Variants in PLEKHG2 observed in about 807,000 individuals in gnomAD.
The protein encoded by PLEKHG2 is pleckstrin homology domain-containing family G member 2.
In PLEKHG2, 71 loss-of-function variants were observed where a neutral mutation model predicts 104.4. The ratio of observed to expected loss-of-function variants is 0.68; its 90% CI spans 0.56 to 0.83. The LOEUF (loss-of-function observed/expected upper bound fraction) is 0.83. Ranked by LOEUF, PLEKHG2 falls within the 40% of genes least tolerant of loss-of-function variation. The pLI is 0.00. For missense variants in PLEKHG2, 1,730 were observed against 1,809.4 expected, an observed-to-expected ratio of 0.96 and a Z score of 0.80; for synonymous variants, 728 against 737.0, an observed-to-expected ratio of 0.99 and a Z score of 0.20.
At chr19:39,420,579 G>A (rs1339176570) in intron 11 of PLEKHG2, 47 bp from the exon 12 acceptor site, 37 of 1,613,070 alleles carry the variant, frequency 2.3e-5, no homozygotes, top group Middle Eastern at 3.3e-4. Flanking sequence ...CCTCTCTGTG[G>A]TACTCCAAGA....
chr19:39,415,065 G>A lies in PLEKHG2; in HGVS notation c.183G>A (p.Glu61=), dbSNP rs1282499140. The change falls in exon 3 of 19, where the codon GAG becomes GAA. Residue 61 remains glutamate, a synonymous_variant. Transcript: ENST00000425673. The surrounding 1 kb of genome is among the most constrained non-coding windows in gnomAD (Gnocchi z 4.6). The part of the protein sequence containing the change: ...SSTSLSTVGS[E]GDPAPGPTPA... ...CATCCCTGAGCACAGTGGGCTCTGA[G>A]GGGGATCCAGCCCCTGGGCCCACTC... 6.3e-7 allele frequency: 1 copy of A among 1,592,518 alleles called. No individual in the cohort carries two copies. Among genetic ancestry groups the A allele is most frequent in the Non-Finnish European group, 8.5e-7 (1 of 1,170,014 alleles).
intron 18 of PLEKHG2, 35 bp from the exon 19 acceptor site, chr19:39,423,698 T>C: frequency 2.5e-6 from 4 of 1,578,820 alleles, no homozygotes; most frequent in South Asian, 1.2e-5. Context: ...CCCGCTGGAG[T>C]AGTGGTCCTG....
chr19:39,425,424 G>C lies in PLEKHG2; in HGVS notation c.*130G>C. ...TGCGGCCTTCCAACTCCTGGTATCTGCATCGGCGAATGGCCCTTCTTGCCT... is the reference window on the plus strand; with the variant it reads ...TGCGGCCTTCCAACTCCTGGTATCTCCATCGGCGAATGGCCCTTCTTGCCT... On this transcript the variant is annotated 3_prime_UTR_variant, in exon 19 of 19. Coordinates refer to ENST00000425673, the MANE Select transcript of PLEKHG2 (RefSeq NM_022835.3). 7.2e-7 allele frequency: 1 copy of C among 1,396,390 alleles called. No individual in the cohort carries two copies. Among genetic ancestry groups the C allele is most frequent in the Non-Finnish European group, 9.4e-7 (1 of 1,065,578 alleles). The allele number at this position is 1,396,390 out of a possible 1,614,324, so 86.5% of individuals were successfully genotyped here. A position where few individuals can be genotyped will look rare whatever the true frequency, so the allele number is the denominator to read the frequency against.
At position 39,415,075 on chromosome 19, in the gene PLEKHG2, G is replaced by A. The variant is rs772626193; in HGVS notation, c.193G>A (p.Ala65Thr). ...CACAGTGGGCTCTGAGGGGGATCCA[G>A]CCCCTGGGCCCACTCCAGCCTGCTC... ...LSTVGSEGDP[A>T]PGPTPACSAS... The change falls in exon 3 of 19, where the codon GCC becomes ACC. Residue 65 changes from alanine (A) to threonine (T), a missense_variant. Physicochemically the swap from Ala to Thr is moderately conservative, Grantham distance 58 (BLOSUM62 0). Coordinates refer to ENST00000425673, the MANE Select transcript of PLEKHG2 (RefSeq NM_022835.3). This position sits in a 1 kb window ranked among gnomAD's most constrained non-coding sequence, Gnocchi z 4.6. 6.3e-7 allele frequency: 1 copy of A among 1,590,492 alleles called. No individual in the cohort carries two copies. Among genetic ancestry groups the A allele is most frequent in the East Asian group, 2.3e-5 (1 of 43,170 alleles).
intron 7 of PLEKHG2, 84 bp downstream of exon 7, chr19:39,417,084 C>T (rs1169249464): frequency 1.7e-5 from 24 of 1,447,140 alleles, no homozygotes; most frequent in Non-Finnish European, 2.2e-5. Flanking sequence ...AGGATGGACC[C>T]CCCACGAGTT....
rs1281837719 is a variant in PLEKHG2 at position 39,422,160 on chromosome 19, C to A, written c.1549C>A (p.Pro517Thr). 2.5e-6 allele frequency: 4 copies of A among 1,612,364 alleles called. No homozygotes were observed. The highest frequency in any genetic ancestry group is 3.4e-6 in the Non-Finnish European group (4 of 1,179,384). The change falls in exon 17 of 19, where the codon CCA (proline) becomes ACA (threonine). Residue 517 changes from proline to threonine, a missense_variant. Coordinates refer to ENST00000425673, the MANE Select transcript of PLEKHG2 (RefSeq NM_022835.3). The stretch of plus-strand genomic sequence containing the variant: ...ACTCTACCCTCCAGAATCTCAGCCA[C>A]CAGTTTCAGGCTCTGCACCCCCTGA... The part of the protein sequence containing the change: ...GELYPPESQP[P>T]VSGSAPPEDL...
At position 39,425,552 on chromosome 19, in the gene PLEKHG2, A is replaced by G; in HGVS notation, c.*258A>G. On this transcript the variant is annotated 3_prime_UTR_variant, in exon 19 of 19. Coordinates refer to ENST00000425673, the MANE Select transcript of PLEKHG2 (RefSeq NM_022835.3). ...TTTCCCATTCTGGAGGCTGTGGGAG[A>G]TGACAAGACAATGAATGGGAAGGTC... 1 of 533,448 alleles carries G rather than the reference A, an allele frequency of 1.9e-6. No homozygotes were observed. Among genetic ancestry groups the G allele is most frequent in the South Asian group, 4.5e-5 (1 of 22,188 alleles). The allele number at this position is 533,448 out of a possible 1,614,324, so 33.0% of individuals were successfully genotyped here.
rs1414772393 is a variant in PLEKHG2, at chr19:39,422,206, C to G, written c.1595C>G (p.Pro532Arg). The G allele has an allele frequency of 1.9e-6, 3 of 1,613,886 alleles. No individual in the cohort carries two copies. Among genetic ancestry groups the G allele is most frequent in the Non-Finnish European group, 2.5e-6 (3 of 1,179,926 alleles). ...APPEDLEDAG[P>R]PTLDPSGTSI... ...CCTGAGGACCTGGAGGATGCTGGAC[C>G]CCCAACACTGGACCCCTCTGGGACC... The change falls in exon 17 of 19, where the codon CCC (proline) becomes CGC (arginine). Residue 532 changes from proline (P) to arginine (R), a missense_variant. Transcript: ENST00000425673.
Position 39,415,492 on chromosome 19 carries a change from T to G in PLEKHG2, c.479+53T>G, listed in dbSNP as rs1034044798. The G allele has an allele frequency of 6.9e-6, 11 of 1,590,692 alleles. No homozygotes were observed. In the East Asian group the frequency reaches 2.0e-4, roughly 29 times the overall value. ...GCATTGATTGGTTGGAGGGTCTATT[T>G]CCTAATCCAAACCTCGGAGCTTCGT... On this transcript the variant is annotated intron_variant, in intron 4 of 18. Transcript: ENST00000425673. This position sits in a 1 kb window ranked among gnomAD's most constrained non-coding sequence, Gnocchi z 4.6.
At position 39,419,740 on chromosome 19, in the gene PLEKHG2, G is replaced by C. The variant is rs183246825; in HGVS notation, c.1263+737G>C. ...AAAATACAAAAAATTAGCCAGGCGT[G>C]GTGGCAGGTGCCCGTAGTCCCAGCT... On this transcript the variant is annotated intron_variant, in intron 11 of 18. Coordinates refer to ENST00000425673, the MANE Select transcript of PLEKHG2 (RefSeq NM_022835.3). Among the ~76,000 whole-genome samples, 124 of 152,272 alleles carry C rather than the reference G, an allele frequency of 8.1e-4. 1 individual carries two copies. In the East Asian group the frequency reaches 0.022, roughly 28 times the overall value.
rs2078601094 is a variant in PLEKHG2, at chr19:39,416,266, A to G, written c.480-82A>G. 4 of 1,389,248 alleles carry G rather than the reference A, an allele frequency of 2.9e-6. No homozygotes were observed. Among genetic ancestry groups the G allele is most frequent in the Non-Finnish European group, 4.1e-6 (4 of 983,162 alleles). 86.1% of individuals were successfully genotyped at this position (1,389,248 alleles called of 1,614,324 possible). A position where few individuals can be genotyped will look rare whatever the true frequency, so the allele number is the denominator to read the frequency against. ...AGCAAGCCCCCAGCCCCAGCAGACCATTGGGGCCTCAGCCTCCTGGAGGCC... is the reference window on the plus strand; with the variant it reads ...AGCAAGCCCCCAGCCCCAGCAGACCGTTGGGGCCTCAGCCTCCTGGAGGCC... On this transcript the variant is annotated intron_variant, in intron 4 of 18. Transcript: ENST00000425673. This position sits in a 1 kb window ranked among gnomAD's most constrained non-coding sequence, Gnocchi z 4.5.
In PLEKHG2 at chr19:39,419,086, T is replaced by C. The variant is rs2078656449; in HGVS notation, c.1263+83T>C. On this transcript the variant is annotated intron_variant, in intron 11 of 18. Coordinates refer to ENST00000425673, the MANE Select transcript of PLEKHG2 (RefSeq NM_022835.3). The stretch of plus-strand genomic sequence containing the variant: ...AGTACTAAGAGACGCCCCTGCCCAA[T>C]GCCAGAGCAGTCTGTTATAATGTGA... 3.2e-6 allele frequency: 4 copies of C among 1,262,800 alleles called. No individual in the cohort carries two copies. The South Asian group carries it at 5.8e-5, about 18-fold the overall frequency. 78.2% of individuals were successfully genotyped at this position (1,262,800 alleles called of 1,614,324 possible). A position where few individuals can be genotyped will look rare whatever the true frequency, so the allele number is the denominator to read the frequency against.
rs1198856250 is a variant in PLEKHG2 at position 39,423,572 on chromosome 19, G to A, written c.2518G>A (p.Ala840Thr). Residue 840 changes from alanine (A) to threonine (T), a missense_variant, in exon 18 of 19, where the codon GCC (alanine) becomes ACC (threonine). Physicochemically the swap from Ala to Thr is moderately conservative, Grantham distance 58. Coordinates refer to ENST00000425673, the MANE Select transcript of PLEKHG2 (RefSeq NM_022835.3). ...GCAGCGGGCGGAGACTCGGGCATCA[G>A]CCAATGCCCCGCGCCGCCGGCCTCG... is the stretch of plus-strand genomic sequence containing the variant. Reference protein sequence around the residue: ...QMQRAETRASANAPRRRPRVL... With the variant: ...QMQRAETRASTNAPRRRPRVL... 1 of 1,537,256 alleles carries A rather than the reference G, an allele frequency of 6.5e-7. No individual in the cohort carries two copies. The highest frequency in any genetic ancestry group is 2.0e-5 in the Admixed American group (1 of 49,670).
intron 11 of PLEKHG2, 130 bp downstream of exon 11, chr19:39,419,133 G>A (rs532820691): frequency 2.4e-5 from 20 of 828,606 alleles, no homozygotes; most frequent in East Asian, 5.9e-5. Flanking sequence ...GCAGAATTCC[G>A]CTACTTGGGT....
rs1385440091 is a variant in PLEKHG2 at position 39,421,036 on chromosome 19, G to T, written c.1448-39G>T. On this transcript the variant is annotated intron_variant, in intron 14 of 18. Coordinates refer to ENST00000425673, the MANE Select transcript of PLEKHG2 (RefSeq NM_022835.3). ...CTAAGGGTGATCCAGGCATCGGGGT[G>T]GGAGCTGGGCTCCTGACATCACTGT... 3 of 1,613,988 alleles carry T rather than the reference G, an allele frequency of 1.9e-6. No homozygotes were observed. The South Asian group carries it at 3.3e-5, about 18-fold the overall frequency.
intron 2 of PLEKHG2, 82 bp from the exon 3 acceptor site, chr19:39,414,898 AGGTGTGGGTGAG>A (rs1408142881): frequency 1.5e-6 from 2 of 1,378,098 alleles, no homozygotes; most frequent in Non-Finnish European, 1.9e-6. Flanking sequence ...GCTGTTGGAC[AGGTGTGGGTGAG>A]GGTGTGGGCT....
At chr19:39,421,218 G>C in intron 15 of PLEKHG2, 65 bp from the exon 16 acceptor site, 1 of 1,612,506 alleles carries the variant, frequency 6.2e-7, no homozygotes. Context: ...TCAGTTATGG[G>C]GGAATCACTC....
rs2078587318 is a variant in PLEKHG2, at chr19:39,415,408, G to A, written c.448G>A (p.Ala150Thr). 1 of 1,614,022 alleles carries A rather than the reference G, an allele frequency of 6.2e-7. No individual in the cohort carries two copies. The highest frequency in any genetic ancestry group is 1.3e-5 in the African/African-American group (1 of 74,930). Residue 150 changes from alanine (A) to threonine (T), a missense_variant, in exon 4 of 19, where the codon GCC (alanine) becomes ACC (threonine). Physicochemically the swap from Ala to Thr is moderately conservative, Grantham distance 58. Transcript: ENST00000425673. The surrounding 1 kb of genome is among the most constrained non-coding windows in gnomAD (Gnocchi z 4.6). Reference sequence around the variant, plus strand: ...CGTGGAGCAGGTGGGCACGCTGTTTGCCAACATTGAGGACATCTACGAGTT... The same window carrying A: ...CGTGGAGCAGGTGGGCACGCTGTTTACCAACATTGAGGACATCTACGAGTT... ...LSVEQVGTLF[A>T]NIEDIYEFSS...
intron 16 of PLEKHG2, 42 bp from the exon 17 acceptor site, chr19:39,422,073 G>C (rs1192576754): frequency 3.8e-6 from 6 of 1,562,538 alleles, no homozygotes; most frequent in Non-Finnish European, 5.2e-6. Flanking sequence ...ATGTGAGGGA[G>C]GAGTCTTGGC....
Sources: gnomAD v4.1 joint callset for allele counts (sites outside exome capture counted in the v4.1 genomes callset) on GRCh38, gnomAD v4.1.1 for gene constraint, Gnocchi (gnomAD v3.1) non-coding constraint, MANE v1.5 for transcripts, NCBI Gene and HGNC (gene_info 2026-07-23, HGNC 2026-07-21) for gene names.